Variants in EIF4E observed in about 807,000 individuals in gnomAD.
The protein encoded by EIF4E is eIF-4F 25 kDa subunit.
For missense variants in EIF4E, 113 were observed against 265.6 expected (o/e 0.43, Z 3.99); for synonymous variants, 71 against 88.5 (o/e 0.80, Z 1.11).
intron 1 of EIF4E, among the ~76,000 whole-genome samples, chr4:98,926,875 C>G (rs1425892393): frequency 6.6e-6 from 1 of 152,216 alleles, no homozygotes; most frequent in Non-Finnish European, 1.5e-5. Context: ...TCCTTCATCA[C>G]TTTGCAGTTC....
At position 98,881,159 on chromosome 4, in the gene EIF4E, AAG is replaced by A. The variant is rs1491533788; in HGVS notation, c.540-19_540-18del. On this transcript the variant is annotated intron_variant, in intron 6 of 6. Coordinates refer to ENST00000450253, the MANE Select transcript of EIF4E (RefSeq NM_001968.5). ...TATACCCTCCTAGAAGAAAAAAAAA[AAG>A]AAGAAGAAAAAAGTAGTCATTAACT... The A allele has an allele frequency of 4.8e-5, 75 of 1,577,424 alleles. No individual in the cohort carries two copies. The African/African-American group carries it at 1.3e-3, about 28-fold the overall frequency.
At chr4:98,920,812 C>T (rs1317124049) in intron 1 of EIF4E, among the ~76,000 whole-genome samples, 1 of 152,084 alleles carries the variant, frequency 6.6e-6, no homozygotes, top group Non-Finnish European at 1.5e-5. Context: ...CTAATCCCAC[C>T]ATCCATAAAC....
chr4:98,902,034 A>G, intron 1 of EIF4E, 52 bp from the exon 2 acceptor site: 1 of 1,516,084 alleles, frequency 6.6e-7, no homozygotes, highest in South Asian at 1.1e-5. Flanking sequence ...CACATCTATG[A>G]CAGCAATATT....
chr4:98,905,457 C>T (rs1172265082), intron 1 of EIF4E, among the ~76,000 whole-genome samples: 1 of 152,096 alleles, frequency 6.6e-6, no homozygotes, highest in Non-Finnish European at 1.5e-5. Context: ...GTGCTGTGTT[C>T]ATCCAGGTAG....
chr4:98,884,855 A>C (rs1723850101), intron 6 of EIF4E, 67 bp downstream of exon 6: 1 of 1,589,156 alleles, frequency 6.3e-7, no homozygotes, highest in African/African-American at 1.3e-5. Context: ...TAAAGCTACA[A>C]ATAAAATAAC....
chr4:98,888,010 C>T (rs1264792411), intron 3 of EIF4E, 58 bp from the exon 4 acceptor site: 4 of 1,352,944 alleles, frequency 3.0e-6, no homozygotes, highest in Non-Finnish European at 4.2e-6. Flanking sequence ...AGTTTAGGTG[C>T]TTACATATAT....
chr4:98,889,394 T>C (rs1724060118), intron 3 of EIF4E, among the ~76,000 whole-genome samples: 1 of 152,176 alleles, frequency 6.6e-6, no homozygotes, highest in Non-Finnish European at 1.5e-5. Context: ...TGAATGGATA[T>C]TGTGGGAATG....
At chr4:98,922,943 G>A (rs1725714434) in intron 1 of EIF4E, among the ~76,000 whole-genome samples, 1 of 151,330 alleles carries the variant, frequency 6.6e-6, no homozygotes, top group Non-Finnish European at 1.5e-5. Context: ...CACCTCCCAG[G>A]TTCAAACGAT....
intron 1 of EIF4E, among the ~76,000 whole-genome samples, chr4:98,920,381 A>C (rs545117011): frequency 1.3e-5 from 2 of 151,672 alleles, no homozygotes; most frequent in African/African-American, 4.8e-5. Flanking sequence ...GCTCACTGCA[A>C]CCTCCACCTC....
Position 98,903,336 on chromosome 4 carries a change from A to C in EIF4E, c.19-1354T>G. 1.2e-5 allele frequency: 5 copies of C among 420,134 alleles called. 1 individual carries two copies. The highest frequency in any genetic ancestry group is 8.7e-5 in the South Asian group (5 of 57,338). 26.0% of individuals were successfully genotyped at this position (420,134 alleles called of 1,614,324 possible). Reference sequence around the variant, plus strand: ...AAAGAATGCAGAGCAGAAAGGTGGTAAATATTTATTTGAAAGAATATGGGT... The same window carrying C: ...AAAGAATGCAGAGCAGAAAGGTGGTCAATATTTATTTGAAAGAATATGGGT... On this transcript the variant is annotated intron_variant, in intron 1 of 6. Coordinates refer to ENST00000450253, the MANE Select transcript of EIF4E (RefSeq NM_001968.5).
At position 98,929,105 on chromosome 4, in the gene EIF4E, G is replaced by C. The variant is rs1402853326; in HGVS notation, c.8C>G (p.Thr3Ser). MA[T>S]VEPETTPTPN... ...AAAGGCAATACTCACCGGTTCGACAGTCGCCATCTTAGATCGATCTGATCG... is the reference window on the plus strand; with the variant it reads ...AAAGGCAATACTCACCGGTTCGACACTCGCCATCTTAGATCGATCTGATCG... Residue 3 changes from threonine to serine, a missense_variant, in exon 1 of 7, where the codon ACT becomes AGT. By Grantham distance (58) the Thr-to-Ser change is moderately conservative. Transcript: ENST00000450253. 1 of 1,580,034 alleles carries C rather than the reference G, an allele frequency of 6.3e-7. No homozygotes were observed. Among genetic ancestry groups the C allele is most frequent in the Non-Finnish European group, 8.6e-7 (1 of 1,162,706 alleles).
intron 1 of EIF4E, among the ~76,000 whole-genome samples, chr4:98,920,916 A>G (rs1256928814): frequency 6.6e-6 from 1 of 152,162 alleles, no homozygotes; most frequent in East Asian, 1.9e-4. Flanking sequence ...TGAAGGATGG[A>G]CTTTAGTTTT....
intron 2 of EIF4E, among the ~76,000 whole-genome samples, chr4:98,895,940 G>A (rs746744937): frequency 5.3e-5 from 8 of 152,276 alleles, no homozygotes; most frequent in African/African-American, 9.6e-5. Context: ...GCTCACGCCC[G>A]TAATCCCAGC....
rs1724675291 is a variant in EIF4E, at chr4:98,902,064, T to C, written c.19-82A>G. Reference sequence around the variant, plus strand: ...AATATTCTAACTAAACCTGAACTGATATGCTGATAATTTTTTTTTTTTGAG... The same window carrying C: ...AATATTCTAACTAAACCTGAACTGACATGCTGATAATTTTTTTTTTTTGAG... On this transcript the variant is annotated intron_variant, in intron 1 of 6. Coordinates refer to ENST00000450253, the MANE Select transcript of EIF4E (RefSeq NM_001968.5). 3 of 1,344,122 alleles carry C rather than the reference T, an allele frequency of 2.2e-6. No individual in the cohort carries two copies. In the South Asian group the frequency reaches 3.7e-5, roughly 16 times the overall value. 83.3% of individuals were successfully genotyped at this position (1,344,122 alleles called of 1,614,324 possible). A position where few individuals can be genotyped will look rare whatever the true frequency, so the allele number is the denominator to read the frequency against.
At chr4:98,920,392 C>A (rs767770296) in intron 1 of EIF4E, among the ~76,000 whole-genome samples, 1 of 151,996 alleles carries the variant, frequency 6.6e-6, no homozygotes, top group African/African-American at 2.4e-5. Flanking sequence ...CCTCCACCTC[C>A]CAGGTTCAAG....
Position 98,888,656 on chromosome 4 carries a change from G to C in EIF4E, c.222-704C>G, listed in dbSNP as rs1008163135. ...TTTGCGATGACTTAGTTGCTTGCCTGAAGGTAGGAGGCTTAGATCATTTGA... is the reference window on the plus strand; with the variant it reads ...TTTGCGATGACTTAGTTGCTTGCCTCAAGGTAGGAGGCTTAGATCATTTGA... On this transcript the variant is annotated intron_variant, in intron 3 of 6. Coordinates refer to ENST00000450253, the MANE Select transcript of EIF4E (RefSeq NM_001968.5). 3.9e-5 allele frequency among the ~76,000 whole-genome samples: 6 copies of C among 152,286 alleles called. No homozygotes were observed. The East Asian group carries it at 7.7e-4, about 20-fold the overall frequency.
intron 3 of EIF4E, among the ~76,000 whole-genome samples, chr4:98,889,078 G>C (rs1167687392): frequency 1.3e-5 from 2 of 151,522 alleles, no homozygotes; most frequent in Non-Finnish European, 2.9e-5. Flanking sequence ...AAAATCGCTT[G>C]AACCCAGGAG....
intron 1 of EIF4E, 93 bp from the exon 2 acceptor site, chr4:98,902,075 T>A: frequency 1.8e-6 from 1 of 553,420 alleles, no homozygotes; most frequent in Non-Finnish European, 2.7e-6. Flanking sequence ...ATGCTGATAA[T>A]TTTTTTTTTT....
chr4:98,895,888 T>C (rs866292440), intron 2 of EIF4E, among the ~76,000 whole-genome samples: 1 of 151,786 alleles, frequency 6.6e-6, no homozygotes, highest in Non-Finnish European at 1.5e-5. Flanking sequence ...TCATCTCTAC[T>C]AGACATTTAA....
Sources: allele counts gnomAD v4.1 joint callset (sites outside exome capture counted in the v4.1 genomes callset), GRCh38; gene constraint gnomAD v4.1.1; transcripts MANE v1.5; gene names NCBI Gene and HGNC (gene_info 2026-07-23, HGNC 2026-07-21).